The following CIZ1 variants were observed in gnomAD, a reference collection of about 807,000 sequenced individuals.
The protein encoded by CIZ1 is cip1-interacting zinc finger protein.
A neutral mutation model predicts 118.6 loss-of-function variants in CIZ1; 58 were observed. The ratio of observed to expected loss-of-function variants is 0.49; its 90% CI spans 0.40 to 0.61. CIZ1 has a LOEUF of 0.61. Among genes scored for constraint, CIZ1 ranks in the 20% least tolerant of loss-of-function variants. The pLI, the probability that CIZ1 is intolerant of heterozygous loss-of-function variation, is 0.00. For synonymous variants in CIZ1, 448 were observed against 443.4 expected, an observed-to-expected ratio of 1.01 and a Z score of -0.13; for missense variants, 921 against 1,115.9, an observed-to-expected ratio of 0.83 and a Z score of 2.49.
rs1341976719 is a variant in CIZ1, at chr9:128,190,808, AGCTGCTGCTGCTGTTGCTGGAGCTGCT to A, written c.23_49del (p.Gln8_Gln16del). ...GAGCTGCTGCTGCTGTAACTGCTGGAGCTGCTGCTGCTGTTGCTGGAGCTGCTGCTGCTGCTGCTGGCTGAACATGGT... is the reference window on the plus strand; with the variant it reads ...GAGCTGCTGCTGCTGTAACTGCTGGAGCTGCTGCTGCTGGCTGAACATGGT... On this transcript the variant is annotated inframe_deletion, in exon 2 of 17. Coordinates refer to ENST00000372938, the MANE Select transcript of CIZ1 (RefSeq NM_001131016.2). 1.0e-5 allele frequency: 16 copies of A among 1,541,094 alleles called. No homozygotes were observed. Among genetic ancestry groups the A allele is most frequent in the Admixed American group, 2.0e-5 (1 of 50,846 alleles).
chr9:128,174,385 C>A (rs1178655814), intron 11 of CIZ1, among the ~76,000 whole-genome samples: 1 of 152,192 alleles, frequency 6.6e-6, no homozygotes, highest in Non-Finnish European at 1.5e-5. Flanking sequence ...TGCAGGGAGG[C>A]TGGGGCTGTG....
rs1265565026 is a variant in CIZ1 at position 128,180,710 on chromosome 9, C to T, written c.682+11G>A. On this transcript the variant is annotated intron_variant, in intron 6 of 16. Coordinates refer to ENST00000372938, the MANE Select transcript of CIZ1 (RefSeq NM_001131016.2). ...TGTCCCTCTGAAGGGCCAGCAGCCTCCCTCCCTCACCTTCTGGTGTGTCCA... is the reference window on the plus strand; with the variant it reads ...TGTCCCTCTGAAGGGCCAGCAGCCTTCCTCCCTCACCTTCTGGTGTGTCCA... The T allele has an allele frequency of 2.5e-6, 4 of 1,590,350 alleles. No homozygotes were observed. The highest frequency in any genetic ancestry group is 1.4e-5 in the African/African-American group (1 of 73,446).
At chr9:128,202,350 C>T (rs191735771) in intron 1 of CIZ1, among the ~76,000 whole-genome samples, 1 of 152,250 alleles carries the variant, frequency 6.6e-6, no homozygotes, top group East Asian at 1.9e-4. Context: ...GGGCTCAGGG[C>T]CCCATGGTCT....
At chr9:128,200,112 C>T (rs2131050615) in intron 1 of CIZ1, 1 of 152,100 alleles carries the variant, frequency 6.6e-6, no homozygotes, top group Non-Finnish European at 1.5e-5. Context: ...TTTCAACCAA[C>T]TCCATGTGAT....
rs772616731 is a variant in CIZ1 at position 128,190,297 on chromosome 9, G to A, written c.286+32C>T. ...CGCTGCTAGGGAGCTACCACTAAAA[G>A]AGACTGAGAAGAGGCCTGGGGCCAT... is the stretch of plus-strand genomic sequence containing the variant. On this transcript the variant is annotated intron_variant, in intron 3 of 16. Transcript: ENST00000372938. The A allele has an allele frequency of 2.7e-6, 4 of 1,485,814 alleles. No individual in the cohort carries two copies. The East Asian group carries it at 9.1e-5, about 34-fold the overall frequency. 92.0% of individuals were successfully genotyped at this position (1,485,814 alleles called of 1,614,324 possible).
At chr9:128,191,949 G>A, upstream of CIZ1, 5 of 1,413,708 alleles carry the variant, frequency 3.5e-6, no homozygotes, top group Non-Finnish European at 4.6e-6. This position sits in a 1 kb window ranked among gnomAD's most constrained non-coding sequence, Gnocchi z 5.5. Context: ...TTCATTCGAG[G>A]GACCCAGGCC....
chr9:128,190,611 AG>A (rs1833009997), intron 2 of CIZ1, 76 bp downstream of exon 2: 1 of 1,501,434 alleles, frequency 6.7e-7, no homozygotes, highest in African/African-American at 1.4e-5. Context: ...ACTGGGAAAA[AG>A]GATGGGGATC....
intron 3 of CIZ1, 115 bp from the exon 4 acceptor site, chr9:128,188,049 C>CAA (rs34003070): frequency 0.012 from 257 of 22,306 alleles, 7 homozygotes; most frequent in African/African-American, 0.024. Context: ...CTTAAAACAG[C>CAA]AAAAAAAAAA....
chr9:128,192,865 T>C (rs1833254891), upstream of CIZ1, among the ~76,000 whole-genome samples: 1 of 152,182 alleles, frequency 6.6e-6, no homozygotes, highest in Non-Finnish European at 1.5e-5. Context: ...CCGGCTCCCT[T>C]TTCTGTGGCT....
At position 128,172,450 on chromosome 9, in the gene CIZ1, G is replaced by A. The variant is rs147611950; in HGVS notation, c.1944-2343C>T. ...GGAGGTTGCAGTGAGCCAAGATTGC[G>A]CCACTGCACTCCAGCCTGGGCAACG... On this transcript the variant is annotated intron_variant, in intron 11 of 16. Transcript: ENST00000372938. 2.1e-3 allele frequency among the ~76,000 whole-genome samples: 315 copies of A among 151,804 alleles called. 2 individuals are homozygous for A. Among genetic ancestry groups the A allele is most frequent in the Middle Eastern group, 0.01 (3 of 292 alleles).
Position 128,203,367 on chromosome 9 carries a change from C to G in CIZ1, c.-6+819G>C. ...TCCGATCCCCGAGGGGCGGGGGCCC[C>G]GCGGCGCAGGCAGTCTGGGCGCGCG... On this transcript the variant is annotated intron_variant, in intron 1 of 17. Coordinates refer to the CIZ1 transcript ENST00000372948. This position sits in a 1 kb window ranked among gnomAD's most constrained non-coding sequence, Gnocchi z 5.3. 6.9e-6 allele frequency: 8 copies of G among 1,152,328 alleles called. No individual in the cohort carries two copies. The highest frequency in any genetic ancestry group is 1.6e-5 in the African/African-American group (1 of 60,926). 71.4% of individuals were successfully genotyped at this position (1,152,328 alleles called of 1,614,324 possible). A position where few individuals can be genotyped will look rare whatever the true frequency, so the allele number is the denominator to read the frequency against.
intron 5 of CIZ1, among the ~76,000 whole-genome samples, chr9:128,181,773 G>C (rs893864005): frequency 7.3e-5 from 11 of 151,646 alleles, no homozygotes; most frequent in Non-Finnish European, 1.0e-4. Context: ...GCGGGGGGGG[G>C]GGGGGGGTCT....
intron 11 of CIZ1, among the ~76,000 whole-genome samples, chr9:128,172,189 A>T (rs1830225071): frequency 6.6e-6 from 1 of 150,886 alleles, no homozygotes; most frequent in Non-Finnish European, 1.5e-5. Context: ...AAAAAAGAAA[A>T]GCCAAATACA....
At position 128,179,328 on chromosome 9, in the gene CIZ1, T is replaced by G. The variant is rs11790846; in HGVS notation, c.879A>C (p.Thr293=). Reference sequence around the variant, plus strand: ...CCTCAGGCAGCAGGTCTGGTGTCTGTGTCTGTTTCGGTACTGTCATCCGGG... The same window carrying G: ...CCTCAGGCAGCAGGTCTGGTGTCTGGGTCTGTTTCGGTACTGTCATCCGGG... The part of the protein sequence containing the change: ...PQARMTVPKQ[T]QTPDLLPEAL... Residue 293 remains threonine, a synonymous_variant, in exon 8 of 17, where the codon ACA becomes ACC. Transcript: ENST00000372938. 6.2e-7 allele frequency: 1 copy of G among 1,614,146 alleles called. No homozygotes were observed. Among genetic ancestry groups the G allele is most frequent in the South Asian group, 1.1e-5 (1 of 91,080 alleles).
chr9:128,192,344 TGA>T (rs1564305069), upstream of CIZ1, among the ~76,000 whole-genome samples: 1 of 147,570 alleles, frequency 6.8e-6, no homozygotes, highest in Non-Finnish European at 1.5e-5. Context: ...CACTCCAGCC[TGA>T]GCGACAGAGC....
upstream of CIZ1, chr9:128,191,869 C>T: frequency 1.4e-6 from 2 of 1,464,008 alleles, no homozygotes; most frequent in Non-Finnish European, 1.8e-6. The surrounding 1 kb of genome is among the most constrained non-coding windows in gnomAD (Gnocchi z 5.5). Context: ...CTGCGGCCGC[C>T]GCGGTCCTGC....
Position 128,191,400 on chromosome 9 carries a change from GC to G in CIZ1, c.-6+31del. 2.4e-6 allele frequency: 2 copies of G among 846,546 alleles called. No individual in the cohort carries two copies. The highest frequency in any genetic ancestry group is 2.9e-6 in the Non-Finnish European group (2 of 700,684). 52.4% of individuals were successfully genotyped at this position (846,546 alleles called of 1,614,324 possible). On this transcript the variant is annotated intron_variant, in intron 1 of 16. Transcript: ENST00000372938. The surrounding 1 kb of genome is among the most constrained non-coding windows in gnomAD (Gnocchi z 5.5). ...CAGACACAGCCAGCTCGCAGGCGGAGCCCCACGACCCAGCCGCCCCCGGCCC... is the reference window on the plus strand; with the variant it reads ...CAGACACAGCCAGCTCGCAGGCGGAGCCCACGACCCAGCCGCCCCCGGCCC...
chr9:128,191,929 C>A, upstream of CIZ1: 1 of 1,431,626 alleles, frequency 7.0e-7, no homozygotes, highest in Non-Finnish European at 9.2e-7. This position sits in a 1 kb window ranked among gnomAD's most constrained non-coding sequence, Gnocchi z 5.5. Flanking sequence ...GCGCAGTTGG[C>A]GGATGTACAT....
intron 11 of CIZ1, 73 bp from the exon 12 acceptor site, chr9:128,170,180 G>A: frequency 1.5e-6 from 2 of 1,297,104 alleles, no homozygotes; most frequent in South Asian, 2.4e-5. Flanking sequence ...CGCTCCATAA[G>A]TGTAATCCAT....
Sources: gnomAD v4.1 joint callset for allele counts (sites outside exome capture counted in the v4.1 genomes callset) on GRCh38, gnomAD v4.1.1 for gene constraint, Gnocchi (gnomAD v3.1) non-coding constraint, MANE v1.5 for transcripts, NCBI Gene and HGNC (gene_info 2026-07-23, HGNC 2026-07-21) for gene names.